Variants in EPHA3 observed in about 807,000 individuals in gnomAD.
EPHA3 encodes ephrin type-A receptor 3.
Under a neutral mutation model 107.1 loss-of-function variants are expected in EPHA3, and 42 were observed. That is an observed-to-expected ratio of 0.39 (90% CI 0.31 to 0.51). The LOEUF is 0.51. EPHA3 is among the 20% of genes least tolerant of loss of function. EPHA3 has a pLI of 0.78. For synonymous variants in EPHA3, 461 were observed against 424.8 expected, an observed-to-expected ratio of 1.09 and a Z score of -1.05; for missense variants, 1,183 against 1,211.2, an observed-to-expected ratio of 0.98 and a Z score of 0.35.
At chr3:89,259,965 G>A (rs889435251) in intron 3 of EPHA3, among the ~76,000 whole-genome samples, 3 of 152,136 alleles carry the variant, frequency 2.0e-5, no homozygotes, top group South Asian at 2.1e-4. Flanking sequence ...ATGTCCACCA[G>A]CTCCTTCCAC....
chr3:89,184,902 G>A (rs1184585324), intron 2 of EPHA3, among the ~76,000 whole-genome samples: 2 of 152,052 alleles, frequency 1.3e-5, no homozygotes, highest in African/African-American at 4.8e-5. Flanking sequence ...CCCAAATCTT[G>A]TGTCCATTAC....
intron 3 of EPHA3, among the ~76,000 whole-genome samples, chr3:89,288,681 G>T (rs1395249950): frequency 6.6e-6 from 1 of 152,102 alleles, no homozygotes; most frequent in Admixed American, 6.6e-5. Flanking sequence ...AATACTGTTT[G>T]TGTGAGCCTT....
intron 5 of EPHA3, among the ~76,000 whole-genome samples, chr3:89,352,214 C>G (rs1355382583): frequency 6.6e-6 from 1 of 151,318 alleles, no homozygotes; most frequent in Non-Finnish European, 1.5e-5. Flanking sequence ...ATTTGATGAT[C>G]AAAGACAACC....
At chr3:89,370,872 T>G (rs1257552124) in intron 5 of EPHA3, among the ~76,000 whole-genome samples, 1 of 151,584 alleles carries the variant, frequency 6.6e-6, no homozygotes, top group African/African-American at 2.4e-5. Flanking sequence ...GTTAAGAAGT[T>G]GCTAAGACTT....
intron 5 of EPHA3, among the ~76,000 whole-genome samples, chr3:89,387,312 T>C (rs1576351113): frequency 6.6e-6 from 1 of 152,312 alleles, no homozygotes; most frequent in East Asian, 1.9e-4. Context: ...CATGCCATTC[T>C]CATGATAGTG....
rs891752693 is a variant in EPHA3, at chr3:89,401,107, A to T, written c.1594+1627A>T. Among the ~76,000 whole-genome samples the T allele has an allele frequency of 3.6e-4, 55 of 152,196 alleles. 1 individual carries two copies. Among genetic ancestry groups the T allele is most frequent in the Non-Finnish European group, 1.5e-4 (10 of 68,034 alleles). On this transcript the variant is annotated intron_variant, in intron 7 of 16. Coordinates refer to ENST00000336596, the MANE Select transcript of EPHA3 (RefSeq NM_005233.6). ...TTGATACCTGATAAAAACTTTCAGG[A>T]TTGACCTAAAAATATAAGAATCATT...
rs138271705 is a variant in EPHA3, at chr3:89,445,586, C to G, written c.2347-3639C>G. On this transcript the variant is annotated intron_variant, in intron 13 of 16. Coordinates refer to ENST00000336596, the MANE Select transcript of EPHA3 (RefSeq NM_005233.6). ...TCATTGTTGAACTGATTGAATGCCA[C>G]TTAATTTTTGAGTGTTTGTAATAAC... Among the ~76,000 whole-genome samples the G allele has an allele frequency of 3.6e-3, 550 of 152,168 alleles. 2 individuals carry two copies. Among genetic ancestry groups the G allele is most frequent in the African/African-American group, 0.013 (525 of 41,526 alleles).
At chr3:89,228,349 C>G (rs78069114) in intron 3 of EPHA3, among the ~76,000 whole-genome samples, 2,016 of 151,866 alleles carry the variant, frequency 0.013, 23 homozygotes, top group South Asian at 0.02. Flanking sequence ...ATGAGAAAGC[C>G]TGCCAGCACA....
At chr3:89,326,941 G>A (rs1440896540) in intron 3 of EPHA3, among the ~76,000 whole-genome samples, 7 of 152,254 alleles carry the variant, frequency 4.6e-5, no homozygotes, top group Non-Finnish European at 8.8e-5. Flanking sequence ...GTTGGACCAA[G>A]TAATTGGGCA....
At chr3:89,475,683 G>T (rs1710492138) in intron 16 of EPHA3, among the ~76,000 whole-genome samples, 1 of 152,194 alleles carries the variant, frequency 6.6e-6, no homozygotes, top group Non-Finnish European at 1.5e-5. Context: ...TGTGTGGAAT[G>T]AATATTAAGC....
At chr3:89,342,352 A>G (rs559844038) in intron 5 of EPHA3, among the ~76,000 whole-genome samples, 23 of 152,196 alleles carry the variant, frequency 1.5e-4, no homozygotes, top group South Asian at 8.3e-4. Flanking sequence ...AGGCTCTCAG[A>G]TAGTAGTAGA....
intron 3 of EPHA3, among the ~76,000 whole-genome samples, chr3:89,213,547 A>G (rs1333122284): frequency 6.6e-6 from 1 of 152,026 alleles, no homozygotes; most frequent in African/African-American, 2.4e-5. Flanking sequence ...TAATAGATTC[A>G]TCTGACTTCT....
chr3:89,145,360 A>G (rs2107026781), intron 2 of EPHA3, among the ~76,000 whole-genome samples: 1 of 151,828 alleles, frequency 6.6e-6, no homozygotes, highest in South Asian at 2.1e-4. Flanking sequence ...ATTTAAAATA[A>G]TATCCATCAT....
At chr3:89,383,293 GGCACA>G (rs149057936) in intron 5 of EPHA3, among the ~76,000 whole-genome samples, 2,427 of 152,084 alleles carry the variant, frequency 0.016, 64 homozygotes, top group African/African-American at 0.055. Flanking sequence ...CCTATGCTTG[GGCACA>G]GCACATGAGC....
intron 5 of EPHA3, among the ~76,000 whole-genome samples, chr3:89,355,222 A>G (rs535552001): frequency 6.6e-6 from 1 of 151,360 alleles, no homozygotes; most frequent in Non-Finnish European, 1.5e-5. Context: ...GTGTGTCCAA[A>G]GAGGTAAATA....
chr3:89,368,389 G>T (rs983663896), intron 5 of EPHA3, among the ~76,000 whole-genome samples: 4 of 150,286 alleles, frequency 2.7e-5, no homozygotes, highest in African/African-American at 9.7e-5. Flanking sequence ...TGTAAGAGGA[G>T]ATTTATGATG....
chr3:89,347,349 G>C (rs1233982668), intron 5 of EPHA3, among the ~76,000 whole-genome samples: 2,403 of 147,658 alleles, frequency 0.016, 71 homozygotes, highest in African/African-American at 0.053. Context: ...TTGTAAGTTG[G>C]ATTCCTAGGT....
intron 3 of EPHA3, among the ~76,000 whole-genome samples, chr3:89,224,772 C>T (rs1704461181): frequency 1.3e-5 from 2 of 151,978 alleles, no homozygotes; most frequent in Non-Finnish European, 2.9e-5. Flanking sequence ...TTGCTTGAAT[C>T]CTGGAGGCGG....
chr3:89,206,824 A>C (rs1706118483), intron 2 of EPHA3, among the ~76,000 whole-genome samples: 1 of 152,134 alleles, frequency 6.6e-6, no homozygotes, highest in Non-Finnish European at 1.5e-5. Context: ...TATATTGGCA[A>C]TTATTACAAA....
Sources: allele counts gnomAD v4.1 joint callset (sites outside exome capture counted in the v4.1 genomes callset), GRCh38; gene constraint gnomAD v4.1.1; transcripts MANE v1.5; gene names NCBI Gene and HGNC (gene_info 2026-07-23, HGNC 2026-07-21).